The following C9 variants were observed in gnomAD, a reference collection of about 807,000 sequenced individuals.
C9 encodes complement component C9.
In C9, 63 loss-of-function variants were observed where a neutral mutation model predicts 65.4. The ratio of observed to expected loss-of-function variants is 0.96; its 90% CI spans 0.79 to 1.19. The LOEUF is 1.19. C9 is among the 50% of genes most tolerant of loss of function. The probability of loss-of-function intolerance (pLI) is 0.00; values close to 1 mark genes in which losing one functional copy is unlikely to be tolerated. For synonymous variants in C9, 229 were observed against 227.9 expected, an observed-to-expected ratio of 1.00 and a Z score of -0.04; for missense variants, 744 against 670.1, an observed-to-expected ratio of 1.11 and a Z score of -1.22.
chr5:39,291,519 A>C (rs1482687931), intron 9 of C9, among the ~76,000 whole-genome samples: 3 of 151,788 alleles, frequency 2.0e-5, no homozygotes, highest in South Asian at 2.1e-4. Flanking sequence ...TATTTGAAAA[A>C]CTAATGACTG....
chr5:39,328,354 A>G (rs1753787231), intron 5 of C9, among the ~76,000 whole-genome samples: 1 of 152,200 alleles, frequency 6.6e-6, no homozygotes, highest in Non-Finnish European at 1.5e-5. Context: ...TGAAAGATTG[A>G]GCCTGCTCAT....
chr5:39,358,181 A>G (rs1754443876), intron 1 of C9, among the ~76,000 whole-genome samples: 1 of 152,246 alleles, frequency 6.6e-6, no homozygotes, highest in African/African-American at 2.4e-5. Context: ...AATAATTGCT[A>G]TTCTTTTAAG....
chr5:39,311,170 A>G lies in C9; in HGVS notation c.1078T>C (p.Tyr360His). 6.2e-7 allele frequency: 1 copy of G among 1,613,342 alleles called. No individual in the cohort carries two copies. The highest frequency in any genetic ancestry group is 1.7e-4 in the Middle Eastern group (1 of 6,056). ...TTCATGGAAGCTTTATCCAAAACAT[A>G]TATTAGTTCATAGAGTCCTCCTAGA... ...GSLGGLYELI[Y>H]VLDKASMKRK... is the part of the protein sequence containing the mutation. Residue 360 changes from tyrosine to histidine, a missense_variant, in exon 7 of 11, where the codon TAT (tyrosine) becomes CAT (histidine). Physicochemically the swap from Tyr to His is moderately conservative, Grantham distance 83 (BLOSUM62 2). Transcript: ENST00000263408.
At chr5:39,333,120 T>C (rs1169862106) in intron 4 of C9, among the ~76,000 whole-genome samples, 1 of 152,214 alleles carries the variant, frequency 6.6e-6, no homozygotes, top group Non-Finnish European at 1.5e-5. Context: ...TTAATTTGAA[T>C]ATGAGAAAAA....
intron 9 of C9, among the ~76,000 whole-genome samples, chr5:39,304,841 G>A (rs1753345233): frequency 6.6e-6 from 1 of 152,108 alleles, no homozygotes; most frequent in East Asian, 1.9e-4. Flanking sequence ...CCATACAGCA[G>A]GACTGCACCA....
chr5:39,295,618 T>C (rs1385646267), intron 9 of C9, among the ~76,000 whole-genome samples: 1 of 151,656 alleles, frequency 6.6e-6, no homozygotes, highest in African/African-American at 2.4e-5. Flanking sequence ...ACAGATTCAG[T>C]GCAATCTCTA....
At chr5:39,344,205 A>G (rs1327401215) in intron 1 of C9, among the ~76,000 whole-genome samples, 1 of 152,210 alleles carries the variant, frequency 6.6e-6, no homozygotes, top group African/African-American at 2.4e-5. Flanking sequence ...GAAGAAGGCT[A>G]CAGACGATCA....
chr5:39,341,005 G>A (rs1227780499), intron 4 of C9, 141 bp downstream of exon 4: 10 of 952,084 alleles, frequency 1.1e-5, no homozygotes, highest in South Asian at 2.8e-5. Context: ...TAAGCTTAAA[G>A]GTAGTTCAAA....
At chr5:39,285,605 A>G (rs1020261331) in intron 10 of C9, among the ~76,000 whole-genome samples, 1 of 152,124 alleles carries the variant, frequency 6.6e-6, no homozygotes, top group Non-Finnish European at 1.5e-5. Context: ...AGATTTTTTA[A>G]AAATTCAAAA....
At chr5:39,359,080 A>ATATATATGTGTGTGTGTGTGTG (rs1561357767) in intron 1 of C9, among the ~76,000 whole-genome samples, 1 of 53,550 alleles carries the variant, frequency 1.9e-5, no homozygotes, top group African/African-American at 6.5e-5. Context: ...ATGTGTGTGT[A>ATATATATGTGTGTGTGTGTGTG]TATATATATG....
intron 4 of C9, among the ~76,000 whole-genome samples, chr5:39,337,302 G>C (rs1753989010): frequency 6.6e-6 from 1 of 152,172 alleles, no homozygotes; most frequent in Non-Finnish European, 1.5e-5. Context: ...TTGTTTTATA[G>C]ATCATCAAAT....
intron 7 of C9, among the ~76,000 whole-genome samples, chr5:39,309,671 C>T (rs1283198075): frequency 1.3e-5 from 2 of 152,166 alleles, no homozygotes; most frequent in Admixed American, 1.3e-4. Flanking sequence ...CACTCATGTC[C>T]AGACATCTTA....
chr5:39,326,048 T>A (rs920004896), intron 5 of C9, among the ~76,000 whole-genome samples: 4 of 145,426 alleles, frequency 2.8e-5, no homozygotes, highest in South Asian at 4.2e-4. Flanking sequence ...TTGTGTGGGG[T>A]TTTTTTTCTT....
chr5:39,351,362 TA>T (rs748599632), intron 1 of C9, among the ~76,000 whole-genome samples: 10 of 152,236 alleles, frequency 6.6e-5, no homozygotes, highest in Admixed American at 1.3e-4. Flanking sequence ...GGCTCCTCTT[TA>T]TTTTTGCAAA....
intron 10 of C9, among the ~76,000 whole-genome samples, chr5:39,285,752 C>G (rs1044451131): frequency 4.6e-5 from 7 of 150,902 alleles, no homozygotes; most frequent in African/African-American, 1.2e-4. Context: ...AATGACCAAC[C>G]TGGTTGAGAG....
At chr5:39,348,955 G>C (rs928623292) in intron 1 of C9, among the ~76,000 whole-genome samples, 18 of 146,310 alleles carry the variant, frequency 1.2e-4, no homozygotes, top group African/African-American at 4.2e-4. Context: ...CTCACTCATA[G>C]GTAGGGATTG....
chr5:39,324,390 AC>A (rs1753713911), intron 5 of C9, among the ~76,000 whole-genome samples: 1 of 152,176 alleles, frequency 6.6e-6, no homozygotes, highest in Admixed American at 6.5e-5. Context: ...TACTGGTGGC[AC>A]CATGCTTTCT....
intron 5 of C9, among the ~76,000 whole-genome samples, chr5:39,329,771 T>C (rs149323099): frequency 4.7e-4 from 72 of 152,304 alleles, no homozygotes; most frequent in African/African-American, 1.7e-3. Flanking sequence ...GTATAATATG[T>C]ATAATTTGCC....
chr5:39,301,320 C>T (rs893463591), intron 9 of C9, among the ~76,000 whole-genome samples: 1 of 151,758 alleles, frequency 6.6e-6, no homozygotes, highest in African/African-American at 2.4e-5. Flanking sequence ...GTCTGAAGAC[C>T]TATAACAGAT....
Sources: allele counts gnomAD v4.1 joint callset (sites outside exome capture counted in the v4.1 genomes callset), GRCh38; gene constraint gnomAD v4.1.1; transcripts MANE v1.5; gene names NCBI Gene and HGNC (gene_info 2026-07-23, HGNC 2026-07-21).